Variants in FOXN3 observed in about 807,000 individuals in gnomAD.
The protein encoded by FOXN3 is forkhead box protein N3.
In FOXN3, 7 loss-of-function variants were observed where a neutral mutation model predicts 38.4. The observed-to-expected ratio is 0.18, with a 90% confidence interval of 0.10 to 0.34. FOXN3 has a LOEUF of 0.34. FOXN3 is among the 10% of genes least tolerant of loss of function. The probability of loss-of-function intolerance (pLI) is 1.00; values close to 1 mark genes in which losing one functional copy is unlikely to be tolerated. For synonymous variants in FOXN3, 230 were observed against 242.2 expected (o/e 0.95, Z 0.47); for missense variants, 456 against 613.4 (o/e 0.74, Z 2.71).
intron 4 of FOXN3, among the ~76,000 whole-genome samples, chr14:89,212,985 C>A (rs936610677): frequency 6.6e-5 from 10 of 152,094 alleles, no homozygotes; most frequent in Non-Finnish European, 1.2e-4. Flanking sequence ...CAGGCCTCTG[C>A]AGTTTTACAA....
intron 1 of FOXN3, among the ~76,000 whole-genome samples, chr14:89,494,437 C>T (rs1024512361): frequency 6.6e-6 from 1 of 152,200 alleles, no homozygotes. Flanking sequence ...AGCCGTGGTA[C>T]CAACCTAGCC....
chr14:89,460,642 T>TACCA (rs1566663587), intron 1 of FOXN3, among the ~76,000 whole-genome samples: 1 of 151,764 alleles, frequency 6.6e-6, no homozygotes, highest in African/African-American at 2.4e-5. Context: ...TAAGTAGAGT[T>TACCA]ATCAATCAAT....
At chr14:89,360,725 C>CACT (rs1257092841) in intron 2 of FOXN3, among the ~76,000 whole-genome samples, 2 of 135,204 alleles carry the variant, frequency 1.5e-5, no homozygotes, top group Non-Finnish European at 3.2e-5. Context: ...CTACCTCCAC[C>CACT]ACCACCACCT....
chr14:89,505,327 C>A (rs2129556), intron 1 of FOXN3, among the ~76,000 whole-genome samples: 11 of 149,434 alleles, frequency 7.4e-5, no homozygotes, highest in Non-Finnish European at 1.5e-4. Flanking sequence ...GATGCCGAGC[C>A]GAGGCTGGAC....
chr14:89,270,034 C>T (rs1319742744), intron 4 of FOXN3, among the ~76,000 whole-genome samples: 1 of 152,198 alleles, frequency 6.6e-6, no homozygotes, highest in African/African-American at 2.4e-5. Context: ...GCAGAACGGA[C>T]CTGGACCTGG....
intron 2 of FOXN3, among the ~76,000 whole-genome samples, chr14:89,391,381 T>C (rs3783848): frequency 0.18 from 27,016 of 152,126 alleles, 3,319 homozygotes; most frequent in East Asian, 0.36. Context: ...TACGTTCATA[T>C]TTCCAAAGAC....
At chr14:89,577,282 T>C (rs1895651915) in intron 1 of FOXN3, 1 of 152,172 alleles carries the variant, frequency 6.6e-6, no homozygotes, top group Non-Finnish European at 1.5e-5. Context: ...GTGCATTCCT[T>C]TTTCATACAC....
intron 1 of FOXN3, among the ~76,000 whole-genome samples, chr14:89,447,364 A>T (rs1371900892): frequency 6.6e-6 from 1 of 152,132 alleles, no homozygotes; most frequent in East Asian, 1.9e-4. Flanking sequence ...AGTTTTCTCC[A>T]CAGAGATGAG....
At chr14:89,381,532 CAAAAAAAAAAA>C (rs71897384) in intron 2 of FOXN3, among the ~76,000 whole-genome samples, 25 of 75,938 alleles carry the variant, frequency 3.3e-4, no homozygotes, top group African/African-American at 8.1e-4. Context: ...CCTCAAAAAG[CAAAAAAAAAAA>C]AAAAAAAAAA....
intron 1 of FOXN3, among the ~76,000 whole-genome samples, chr14:89,571,868 T>C (rs548195401): frequency 3.9e-5 from 6 of 152,374 alleles, no homozygotes; most frequent in Non-Finnish European, 7.3e-5. Context: ...AGATACCTGG[T>C]ATTACTGAGT....
rs957128898 is a variant in FOXN3, at chr14:89,357,973, T to C, written c.544-7165A>G. Reference sequence around the variant, plus strand: ...CATAAATGTCATGGTAGGCCTGAGATTGTCTGGCTTTAGAGGTTTAACATC... The same window carrying C: ...CATAAATGTCATGGTAGGCCTGAGACTGTCTGGCTTTAGAGGTTTAACATC... On this transcript the variant is annotated intron_variant, in intron 2 of 5. Transcript: ENST00000557258. 2.6e-5 allele frequency among the ~76,000 whole-genome samples: 4 copies of C among 152,318 alleles called. No individual in the cohort carries two copies. In the East Asian group the frequency reaches 7.7e-4, roughly 29 times the overall value.
intron 4 of FOXN3, among the ~76,000 whole-genome samples, chr14:89,206,901 G>A (rs1317518504): frequency 6.6e-6 from 1 of 152,114 alleles, no homozygotes; most frequent in Admixed American, 6.5e-5. Flanking sequence ...TATGCCAAAG[G>A]ACAGTGTGGC....
At chr14:89,518,606 A>G (rs1894254730) in intron 1 of FOXN3, among the ~76,000 whole-genome samples, 1 of 152,216 alleles carries the variant, frequency 6.6e-6, no homozygotes, top group Non-Finnish European at 1.5e-5. Flanking sequence ...TTGCAATGAA[A>G]CCATGTAAGC....
At chr14:89,586,922 T>C (rs1449490829) in intron 1 of FOXN3, among the ~76,000 whole-genome samples, 1 of 152,212 alleles carries the variant, frequency 6.6e-6, no homozygotes, top group Non-Finnish European at 1.5e-5. Flanking sequence ...TCCTTGAAGG[T>C]CTCTATGAAG....
rs17125567 is a variant in FOXN3, at chr14:89,279,162, T to A, written c.745+1788A>T. ...AAGCTCTCATCAAGATTCTTCTGAT[T>A]TTCAAATGTACAAAATTTTAATGGG... On this transcript the variant is annotated intron_variant, in intron 4 of 5. Transcript: ENST00000557258. Among the ~76,000 whole-genome samples the A allele has an allele frequency of 6.3e-3, 967 of 152,316 alleles. 7 individuals carry two copies. Among genetic ancestry groups the A allele is most frequent in the African/African-American group, 0.022 (906 of 41,570 alleles).
intron 2 of FOXN3, among the ~76,000 whole-genome samples, chr14:89,405,194 T>G (rs1388335646): frequency 6.6e-6 from 1 of 152,136 alleles, no homozygotes; most frequent in Non-Finnish European, 1.5e-5. Flanking sequence ...TGGAGTGTAG[T>G]GGCGTGATCT....
chr14:89,520,698 C>T (rs1380775197), intron 1 of FOXN3, among the ~76,000 whole-genome samples: 1 of 152,098 alleles, frequency 6.6e-6, no homozygotes, highest in Non-Finnish European at 1.5e-5. Context: ...TCAAGAATAA[C>T]AGAATCCAGA....
chr14:89,387,074 T>C (rs1018450373), intron 2 of FOXN3, among the ~76,000 whole-genome samples: 45 of 152,276 alleles, frequency 3.0e-4, no homozygotes, highest in Middle Eastern at 3.4e-3. Context: ...CTGGCCAACA[T>C]GGTGAAACCC....
At chr14:89,306,659 G>A (rs1233517786) in intron 3 of FOXN3, among the ~76,000 whole-genome samples, 1 of 152,082 alleles carries the variant, frequency 6.6e-6, no homozygotes, top group African/African-American at 2.4e-5. Context: ...GAGCCACCGC[G>A]CCCGGCCCAT....
Sources: gnomAD v4.1 joint callset for allele counts (sites outside exome capture counted in the v4.1 genomes callset) on GRCh38, gnomAD v4.1.1 for gene constraint, MANE v1.5 for transcripts, NCBI Gene and HGNC (gene_info 2026-07-23, HGNC 2026-07-21) for gene names.